Variants in DKK2 observed in about 807,000 individuals in gnomAD.
DKK2 encodes the protein dickkopf-related protein 2.
DKK2 carries 11 observed loss-of-function variants against 28.1 expected under a neutral mutation model. That is an observed-to-expected ratio of 0.39 (90% CI 0.25 to 0.65). DKK2 has a LOEUF of 0.65. Among genes scored for constraint, DKK2 ranks in the 30% least tolerant of loss-of-function variants. The pLI is 0.47. For missense variants in DKK2, 326 were observed against 335.5 expected, an observed-to-expected ratio of 0.97 and a Z score of 0.22; for synonymous variants, 135 against 126.5, an observed-to-expected ratio of 1.07 and a Z score of -0.45.
intron 1 of DKK2, among the ~76,000 whole-genome samples, chr4:106,985,445 C>T (rs377562179): frequency 2.0e-5 from 3 of 151,820 alleles, no homozygotes; most frequent in Non-Finnish European, 4.4e-5. Context: ...AAGGGTACAC[C>T]GGATGTCTTT....
intron 1 of DKK2, among the ~76,000 whole-genome samples, chr4:106,927,460 T>C (rs1560573409): frequency 6.6e-6 from 1 of 152,168 alleles, no homozygotes; most frequent in African/African-American, 2.4e-5. Flanking sequence ...TTTAAAGAAT[T>C]ATATAGAAAA....
chr4:106,948,056 C>T (rs564593393), intron 1 of DKK2, among the ~76,000 whole-genome samples: 1 of 152,152 alleles, frequency 6.6e-6, no homozygotes, highest in Non-Finnish European at 1.5e-5. Context: ...CTAAATAAAA[C>T]TCTGTATCCA....
At chr4:106,960,185 A>G (rs937486206) in intron 1 of DKK2, among the ~76,000 whole-genome samples, 1 of 150,546 alleles carries the variant, frequency 6.6e-6, no homozygotes, top group Non-Finnish European at 1.5e-5. Flanking sequence ...TACTACTATA[A>G]TAGAATATAT....
intron 1 of DKK2, among the ~76,000 whole-genome samples, chr4:106,948,830 G>A (rs1327802971): frequency 6.6e-6 from 1 of 152,132 alleles, no homozygotes. Flanking sequence ...ACTTCCAAAT[G>A]TTCAGAACTT....
intron 1 of DKK2, among the ~76,000 whole-genome samples, chr4:106,966,959 C>T (rs189817894): frequency 6.6e-6 from 1 of 152,152 alleles, no homozygotes; most frequent in Non-Finnish European, 1.5e-5. Context: ...CAAACCATAT[C>T]AATTTCCTTC....
intron 1 of DKK2, among the ~76,000 whole-genome samples, chr4:106,938,543 A>C (rs568502546): frequency 1.3e-5 from 2 of 152,248 alleles, no homozygotes; most frequent in Admixed American, 1.3e-4. Context: ...CAGAGGTAAA[A>C]GGAGGAAATT....
chr4:106,954,783 A>C (rs187666581), intron 1 of DKK2, among the ~76,000 whole-genome samples: 87 of 152,302 alleles, frequency 5.7e-4, no homozygotes, highest in Middle Eastern at 6.8e-3. Flanking sequence ...GCCCTCGCAA[A>C]GTGCTGGGAT....
intron 1 of DKK2, among the ~76,000 whole-genome samples, chr4:107,000,441 CT>C (rs1268394329): frequency 1.3e-5 from 2 of 152,136 alleles, no homozygotes; most frequent in East Asian, 1.9e-4. Flanking sequence ...CACTAAACTA[CT>C]TTTAGCACAT....
chr4:106,979,511 T>C (rs1722995887), intron 1 of DKK2, among the ~76,000 whole-genome samples: 1 of 151,648 alleles, frequency 6.6e-6, no homozygotes, highest in Admixed American at 6.6e-5. Flanking sequence ...AAAATCATAC[T>C]ATATCTTGGA....
intron 1 of DKK2, among the ~76,000 whole-genome samples, chr4:106,956,414 A>G (rs1444510551): frequency 6.6e-6 from 1 of 152,202 alleles, no homozygotes; most frequent in Non-Finnish European, 1.5e-5. Flanking sequence ...TCAAGTTCAT[A>G]TGGAACTAAA....
At chr4:106,962,861 A>T (rs548765100) in intron 1 of DKK2, among the ~76,000 whole-genome samples, 11 of 152,112 alleles carry the variant, frequency 7.2e-5, no homozygotes, top group Admixed American at 2.0e-4. Flanking sequence ...TGCACCTCAG[A>T]TAAAGGATTA....
intron 1 of DKK2, among the ~76,000 whole-genome samples, chr4:106,969,205 C>T (rs572643476): frequency 2.0e-5 from 3 of 151,746 alleles, no homozygotes; most frequent in East Asian, 3.9e-4. Flanking sequence ...TTTGCTCAAA[C>T]TTCTCGCCTC....
chr4:106,977,195 G>A (rs1310786319), intron 1 of DKK2, among the ~76,000 whole-genome samples: 1 of 152,026 alleles, frequency 6.6e-6, no homozygotes, highest in Non-Finnish European at 1.5e-5. Context: ...TTCAATCCTG[G>A]TGAATCTGAC....
rs181239523 is a variant in DKK2 at position 106,925,968 on chromosome 4, A to G, written c.223-19T>C. On this transcript the variant is annotated intron_variant, in intron 1 of 3. Coordinates refer to ENST00000285311, the MANE Select transcript of DKK2 (RefSeq NM_014421.3). ...GGTAGGCCTGTCATCAAGTGGAACA[A>G]CACCAGAAGTAAAGGATTAGATCGT... 2 of 1,586,240 alleles carry G rather than the reference A, an allele frequency of 1.3e-6. No homozygotes were observed. Among genetic ancestry groups the G allele is most frequent in the African/African-American group, 2.7e-5 (2 of 73,140 alleles).
intron 1 of DKK2, among the ~76,000 whole-genome samples, chr4:107,033,615 A>C (rs1723910830): frequency 6.6e-6 from 1 of 152,220 alleles, no homozygotes; most frequent in Admixed American, 6.5e-5. Context: ...GCGCTTTACA[A>C]AAATTCCCAG....
intron 1 of DKK2, among the ~76,000 whole-genome samples, chr4:106,935,128 A>G (rs1371196039): frequency 6.6e-6 from 1 of 152,234 alleles, no homozygotes; most frequent in Non-Finnish European, 1.5e-5. Context: ...ATGGCCGAAT[A>G]GGAACAGCTC....
intron 3 of DKK2, 59 bp downstream of exon 3, chr4:106,924,486 C>T (rs1355115061): frequency 2.6e-6 from 4 of 1,546,562 alleles, no homozygotes. Context: ...AATTAATTAT[C>T]TATATTTTTC....
At chr4:107,026,727 C>CGAA (rs10622835) in intron 1 of DKK2, among the ~76,000 whole-genome samples, 39,260 of 151,864 alleles carry the variant, frequency 0.26, 5,366 homozygotes, top group East Asian at 0.53. Context: ...TGAGAAATCA[C>CGAA]GATTTTGTTG....
intron 1 of DKK2, among the ~76,000 whole-genome samples, chr4:107,009,525 G>A (rs1219231763): frequency 6.6e-6 from 1 of 151,862 alleles, no homozygotes; most frequent in Admixed American, 6.6e-5. Context: ...CTGGGAGGGT[G>A]AGGAGAGAAG....
Sources: gnomAD v4.1 joint callset for allele counts (sites outside exome capture counted in the v4.1 genomes callset) on GRCh38, gnomAD v4.1.1 for gene constraint, MANE v1.5 for transcripts, NCBI Gene and HGNC (gene_info 2026-07-23, HGNC 2026-07-21) for gene names.